KDM2B: variants seen among roughly 807,000 people sequenced by gnomAD.
The protein encoded by KDM2B is lysine-specific demethylase 2B.
In KDM2B, 26 loss-of-function variants were observed where a neutral mutation model predicts 150.0. The observed-to-expected ratio is 0.17, with a 90% CI of 0.13 to 0.24. KDM2B has a LOEUF of 0.24. KDM2B is among the 10% of genes least tolerant of loss of function. The pLI is 1.00. For missense variants in KDM2B, 1,265 were observed against 1,816.9 expected (o/e 0.70, Z 5.52); for synonymous variants, 734 against 729.5 (o/e 1.01, Z -0.10).
chr12:121,426,468 C>CA (rs2137271717), downstream of KDM2B, among the ~76,000 whole-genome samples: 1 of 127,138 alleles, frequency 7.9e-6, no homozygotes, highest in East Asian at 2.7e-4. Flanking sequence ...TTTTTAAAGA[C>CA]AGAGTCTTGC....
chr12:121,543,821 A>T (rs781830657), intron 6 of KDM2B, among the ~76,000 whole-genome samples: 1 of 151,258 alleles, frequency 6.6e-6, no homozygotes, highest in African/African-American at 2.4e-5. Context: ...CGTCTAAAAA[A>T]CAAAAAACAA....
In KDM2B at chr12:121,429,840, A is replaced by G. The variant is rs1240115009; in HGVS notation, c.*448T>C. Reference sequence around the variant, plus strand: ...ATAGTTCTGCATAATGTAAGATGTAACAAAACCAACCAAACAAAAAAAAGT... The same window carrying G: ...ATAGTTCTGCATAATGTAAGATGTAGCAAAACCAACCAAACAAAAAAAAGT... On this transcript the variant is annotated 3_prime_UTR_variant, in exon 23 of 23. Coordinates refer to ENST00000377071, the MANE Select transcript of KDM2B (RefSeq NM_032590.5). 1.7e-6 allele frequency: 1 copy of G among 573,032 alleles called. No homozygotes were observed. The highest frequency in any genetic ancestry group is 3.1e-6 in the Non-Finnish European group (1 of 323,806). 35.5% of individuals were successfully genotyped at this position (573,032 alleles called of 1,614,324 possible). A position where few individuals can be genotyped will look rare whatever the true frequency, so the allele number is the denominator to read the frequency against.
chr12:121,500,499 C>G (rs1255971069), intron 11 of KDM2B, among the ~76,000 whole-genome samples: 11 of 152,316 alleles, frequency 7.2e-5, no homozygotes, highest in Admixed American at 6.5e-4. Context: ...ACAATGGATT[C>G]GGGTCCCACT....
Position 121,518,419 on chromosome 12 carries a change from G to A in KDM2B, c.1047+2566C>T, listed in dbSNP as rs537208568. Among the ~76,000 whole-genome samples the A allele has an allele frequency of 2.9e-4, 44 of 152,264 alleles. No individual in the cohort carries two copies. Among genetic ancestry groups the A allele is most frequent in the Admixed American group, 4.6e-4 (7 of 15,290 alleles). ...ATCAAGGCAGATTAAACAACCTGCC[G>A]CTGCTCCCAGCCCAGTCTGCCCCCA... On this transcript the variant is annotated intron_variant, in intron 9 of 22. Coordinates refer to ENST00000377071, the MANE Select transcript of KDM2B (RefSeq NM_032590.5). The surrounding 1 kb of genome is among the most constrained non-coding windows in gnomAD (Gnocchi z 4.4).
At chr12:121,517,540 C>T (rs1555305233) in intron 9 of KDM2B, among the ~76,000 whole-genome samples, 6 of 151,282 alleles carry the variant, frequency 4.0e-5, no homozygotes, top group Non-Finnish European at 1.5e-5. Context: ...TCAATCTAAG[C>T]ACACTGTAAC....
intron 12 of KDM2B, among the ~76,000 whole-genome samples, chr12:121,483,582 T>C (rs1417097730): frequency 3.3e-5 from 5 of 149,376 alleles, no homozygotes; most frequent in African/African-American, 1.2e-4. Flanking sequence ...GAGGTTGACA[T>C]GTGAGGATCC....
chr12:121,565,738 G>A (rs531944044), intron 4 of KDM2B, among the ~76,000 whole-genome samples: 25 of 151,914 alleles, frequency 1.6e-4, no homozygotes, highest in Non-Finnish European at 3.2e-4. Flanking sequence ...CAATTCTCCT[G>A]CCCCAGCCTC....
Position 121,467,433 on chromosome 12 carries a change from G to A in KDM2B, c.1735-14089C>T, listed in dbSNP as rs1386314199. 1.2e-4 allele frequency: 98 copies of A among 807,606 alleles called. No individual in the cohort carries two copies. The highest frequency in any genetic ancestry group is 1.4e-4 in the Non-Finnish European group (95 of 670,340). 50.0% of individuals were successfully genotyped at this position (807,606 alleles called of 1,614,324 possible). A position where few individuals can be genotyped will look rare whatever the true frequency, so the allele number is the denominator to read the frequency against. On this transcript the variant is annotated intron_variant, in intron 12 of 22. Transcript: ENST00000377071. This position sits in a 1 kb window ranked among gnomAD's most constrained non-coding sequence, Gnocchi z 5.1. ...GGGCCGGGGCGCCATGCATATGCATGAGGCGAGCCAGGAAGGGGCTGGCCC... is the reference window on the plus strand; with the variant it reads ...GGGCCGGGGCGCCATGCATATGCATAAGGCGAGCCAGGAAGGGGCTGGCCC...
intron 6 of KDM2B, among the ~76,000 whole-genome samples, chr12:121,542,690 C>A (rs1888704130): frequency 6.6e-6 from 1 of 152,170 alleles, no homozygotes; most frequent in Non-Finnish European, 1.5e-5. Context: ...TCTATACATC[C>A]AATGCATTCC....
chr12:121,512,547 G>C (rs1555304199), intron 10 of KDM2B, among the ~76,000 whole-genome samples: 1 of 152,070 alleles, frequency 6.6e-6, no homozygotes, highest in Non-Finnish European at 1.5e-5. Context: ...CAGTGTCTGA[G>C]ATGCTGCAGA....
intron 13 of KDM2B, among the ~76,000 whole-genome samples, chr12:121,447,312 G>A (rs1056849124): frequency 7.2e-5 from 11 of 151,836 alleles, no homozygotes; most frequent in South Asian, 4.2e-4. Context: ...GCAGTGGCAC[G>A]GTCTCGACTC....
intron 8 of KDM2B, among the ~76,000 whole-genome samples, chr12:121,528,027 T>G (rs1425814648): frequency 2.0e-5 from 3 of 152,194 alleles, no homozygotes; most frequent in African/African-American, 7.2e-5. Flanking sequence ...TCCTTACTGA[T>G]AATTATAAGG....
intron 12 of KDM2B, among the ~76,000 whole-genome samples, chr12:121,481,228 TGA>T (rs1428513881): frequency 2.0e-5 from 3 of 152,132 alleles, no homozygotes; most frequent in Non-Finnish European, 4.4e-5. Context: ...GCCCAGCCGA[TGA>T]GAGTATTTCT....
intron 12 of KDM2B, among the ~76,000 whole-genome samples, chr12:121,475,344 T>G (rs1161571584): frequency 6.6e-6 from 1 of 151,870 alleles, no homozygotes; most frequent in African/African-American, 2.4e-5. Context: ...ATGCCAACAC[T>G]TTGGGAGGCT....
chr12:121,564,955 G>A lies in KDM2B; in HGVS notation c.397+9592C>T, dbSNP rs181226444. Among the ~76,000 whole-genome samples the A allele has an allele frequency of 3.0e-3, 452 of 151,978 alleles. 1 individual carries two copies. Among genetic ancestry groups the A allele is most frequent in the African/African-American group, 0.01 (415 of 41,488 alleles). On this transcript the variant is annotated intron_variant, in intron 4 of 22. Transcript: ENST00000377071. Reference sequence around the variant, plus strand: ...GCAATTCTCCTGCCTCAGCTGGATAGGAGAGTAGCTGGGATTGCAGGCGTG... The same window carrying A: ...GCAATTCTCCTGCCTCAGCTGGATAAGAGAGTAGCTGGGATTGCAGGCGTG...
intron 12 of KDM2B, among the ~76,000 whole-genome samples, chr12:121,471,030 CA>C (rs1555295851): frequency 6.6e-6 from 1 of 152,254 alleles, no homozygotes; most frequent in African/African-American, 2.4e-5. Flanking sequence ...TTCCCTAAAG[CA>C]AATTTCCTAT....
chr12:121,557,061 T>C (rs1179316037), intron 4 of KDM2B, among the ~76,000 whole-genome samples: 1 of 151,900 alleles, frequency 6.6e-6, no homozygotes, highest in Non-Finnish European at 1.5e-5. Context: ...TTCCCTGTAA[T>C]TTGCTAACGG....
intron 11 of KDM2B, among the ~76,000 whole-genome samples, chr12:121,502,043 G>T (rs1364715235): frequency 6.6e-6 from 1 of 152,138 alleles, no homozygotes; most frequent in Admixed American, 6.6e-5. Flanking sequence ...CCAGGGTCGG[G>T]AACTGACGAC....
downstream of KDM2B, among the ~76,000 whole-genome samples, chr12:121,425,375 CAACTT>C (rs1555284102): frequency 6.6e-6 from 1 of 151,762 alleles, no homozygotes. Context: ...CTTTTAGGTC[CAACTT>C]GACTTGACTC....
Sources: allele counts gnomAD v4.1 joint callset (sites outside exome capture counted in the v4.1 genomes callset), GRCh38; gene constraint gnomAD v4.1.1; non-coding constraint Gnocchi (gnomAD v3.1); transcripts MANE v1.5; gene names NCBI Gene and HGNC (gene_info 2026-07-23, HGNC 2026-07-21).